The following ZDHHC11 variants were observed in gnomAD, a reference collection of about 807,000 sequenced individuals.
ZDHHC11 encodes zDHHC palmitoyltransferase 11.
In ZDHHC11, 44 loss-of-function variants were observed where a neutral mutation model predicts 51.3. The ratio of observed to expected loss-of-function variants is 0.86; its 90% confidence interval spans 0.67 to 1.10. The LOEUF is 1.10. ZDHHC11 is among the 50% of genes least tolerant of loss of function. The pLI is 0.00. For synonymous variants in ZDHHC11, 163 were observed against 222.0 expected, an observed-to-expected ratio of 0.73 and a Z score of 2.36; for missense variants, 400 against 537.7, an observed-to-expected ratio of 0.74 and a Z score of 2.53.
intron 3 of ZDHHC11, among the ~76,000 whole-genome samples, chr5:846,510 T>A (rs1360090458): frequency 7.0e-6 from 1 of 143,036 alleles, no homozygotes; most frequent in African/African-American, 2.7e-5. Context: ...CAACCTCTCG[T>A]TCTTGAGCCT....
chr5:848,939 C>G (rs1746703673), intron 1 of ZDHHC11, among the ~76,000 whole-genome samples: 1 of 151,948 alleles, frequency 6.6e-6, no homozygotes, highest in Non-Finnish European at 1.5e-5. Context: ...ACAGCCAGCC[C>G]TGCACACCCA....
chr5:851,865 G>A (rs2150481193), upstream of ZDHHC11, among the ~76,000 whole-genome samples: 1 of 152,304 alleles, frequency 6.6e-6, no homozygotes, highest in Middle Eastern at 3.4e-3. Flanking sequence ...AGACCAGCCT[G>A]GGCAACACGG....
Position 801,218 on chromosome 5 carries a change from G to A in ZDHHC11, c.1182-54C>T. 3.8e-6 allele frequency: 6 copies of A among 1,599,996 alleles called. 1 individual carries two copies. The highest frequency in any genetic ancestry group is 5.1e-6 in the Non-Finnish European group (6 of 1,171,348). ...ACAGAGAACGTATGATGTAATACTTGTTATAATGCCAAAGTGCACAAAATG... is the reference window on the plus strand; with the variant it reads ...ACAGAGAACGTATGATGTAATACTTATTATAATGCCAAAGTGCACAAAATG... On this transcript the variant is annotated intron_variant, in intron 11 of 12. Coordinates refer to ENST00000283441, the MANE Select transcript of ZDHHC11 (RefSeq NM_024786.3).
chr5:805,018 A>T (rs1368456887), intron 11 of ZDHHC11, among the ~76,000 whole-genome samples: 4 of 150,942 alleles, frequency 2.7e-5, no homozygotes, highest in Admixed American at 1.3e-4. Flanking sequence ...TTTAAAAGTC[A>T]AATGCATATT....
At position 803,450 on chromosome 5, in the gene ZDHHC11, C is replaced by T. The variant is rs373928876; in HGVS notation, c.1182-2286G>A. ...GACAAGAAATACACATTTTGCAAAA[C>T]TACTTTGGAAAGGGCACAAACTGAT... On this transcript the variant is annotated intron_variant, in intron 11 of 12. Transcript: ENST00000283441. 5.5e-4 allele frequency among the ~76,000 whole-genome samples: 83 copies of T among 151,412 alleles called. 2 individuals carry two copies. Among genetic ancestry groups the T allele is most frequent in the African/African-American group, 1.9e-3 (80 of 41,294 alleles).
At position 799,587 on chromosome 5, in the gene ZDHHC11, C is replaced by A. The variant is rs1423499201; in HGVS notation, c.*7+1513G>T. ...GCTGTCAGTTTTTGCAGATTATTTG[C>A]AAGTTGATGCTTCGGCCAAGCGTCC... On this transcript the variant is annotated intron_variant, in intron 12 of 12. Coordinates refer to ENST00000283441, the MANE Select transcript of ZDHHC11 (RefSeq NM_024786.3). 1.5e-4 allele frequency among the ~76,000 whole-genome samples: 23 copies of A among 151,404 alleles called. 1 individual carries two copies. The highest frequency in any genetic ancestry group is 3.4e-3 in the Middle Eastern group (1 of 294).
At chr5:851,949 G>A (rs1215098157), upstream of ZDHHC11, among the ~76,000 whole-genome samples, 3 of 152,122 alleles carry the variant, frequency 2.0e-5, no homozygotes, top group Non-Finnish European at 2.9e-5. Flanking sequence ...CCAGCTACTC[G>A]GGAGGCTGAG....
At chr5:815,135 A>C (rs1289039902) in intron 10 of ZDHHC11, among the ~76,000 whole-genome samples, 1 of 151,434 alleles carries the variant, frequency 6.6e-6, no homozygotes, top group Admixed American at 6.6e-5. Context: ...GTGTCCTTTT[A>C]TGAAGGGGAG....
In ZDHHC11 at chr5:795,640, G is replaced by A. The variant is rs1341501951; in HGVS notation, c.*948C>T. The A allele has an allele frequency of 1.3e-5, 2 of 153,196 alleles. No individual in the cohort carries two copies. The highest frequency in any genetic ancestry group is 3.7e-4 in the East Asian group (2 of 5,334). The allele number at this position is 153,196 out of a possible 1,614,324, so 9.5% of individuals were successfully genotyped here. ...AACTTATAGATATATTTGGAAAACT[G>A]ATTATCTTTTAAAAAATGACTACTA... is the stretch of plus-strand genomic sequence containing the variant. On this transcript the variant is annotated 3_prime_UTR_variant, in exon 13 of 13. Coordinates refer to ENST00000283441, the MANE Select transcript of ZDHHC11 (RefSeq NM_024786.3).
intron 12 of ZDHHC11, among the ~76,000 whole-genome samples, chr5:800,005 G>C (rs1265590703): frequency 4.0e-5 from 6 of 151,256 alleles, no homozygotes; most frequent in East Asian, 1.9e-4. Flanking sequence ...CAGGTTTGCT[G>C]TCTCTCTGGG....
At chr5:847,104 C>G in intron 3 of ZDHHC11, among the ~76,000 whole-genome samples, 1 of 142,838 alleles carries the variant, frequency 7.0e-6, no homozygotes, top group East Asian at 2.3e-4. Flanking sequence ...CTGTGAGCCT[C>G]GACCATGCTC....
At chr5:831,154 C>T (rs1349542019) in intron 7 of ZDHHC11, among the ~76,000 whole-genome samples, 1 of 149,098 alleles carries the variant, frequency 6.7e-6, no homozygotes, top group African/African-American at 2.5e-5. Context: ...TAAATAAGTA[C>T]CTTCTGCACA....
intron 11 of ZDHHC11, among the ~76,000 whole-genome samples, chr5:801,988 A>G (rs1353360117): frequency 6.6e-6 from 1 of 151,466 alleles, no homozygotes; most frequent in African/African-American, 2.4e-5. Context: ...CCTTTCTTGG[A>G]TCAGAAATGA....
chr5:822,904 T>C (rs1176864918), intron 8 of ZDHHC11, among the ~76,000 whole-genome samples: 1 of 151,360 alleles, frequency 6.6e-6, no homozygotes, highest in Non-Finnish European at 1.5e-5. Context: ...GCAAATGATG[T>C]TGAGCACCAT....
At chr5:844,577 A>AT (rs1214903891) in intron 3 of ZDHHC11, among the ~76,000 whole-genome samples, 1 of 152,306 alleles carries the variant, frequency 6.6e-6, no homozygotes, top group Non-Finnish European at 1.5e-5. Context: ...TGGGGTCTCC[A>AT]TGGCACCATG....
intron 5 of ZDHHC11, chr5:840,226 C>A (rs767793662): frequency 2.8e-6 from 2 of 707,946 alleles, no homozygotes; most frequent in Non-Finnish European, 5.1e-6. Context: ...CACCTGGCAC[C>A]ACTCCTGCAG....
In ZDHHC11 at chr5:804,003, T is replaced by TA. The variant is rs1349737759; in HGVS notation, c.1182-2840dup. On this transcript the variant is annotated intron_variant, in intron 11 of 12. Coordinates refer to ENST00000283441, the MANE Select transcript of ZDHHC11 (RefSeq NM_024786.3). ...GATGAACAGAGCTTGAAAGGTTTGTTAGACACCATCAAGGGTACCAACATA... is the reference window on the plus strand; with the variant it reads ...GATGAACAGAGCTTGAAAGGTTTGTTAAGACACCATCAAGGGTACCAACATA... Among the ~76,000 whole-genome samples, 50 of 149,400 alleles carry TA rather than the reference T, an allele frequency of 3.3e-4. 1 individual carries two copies. The highest frequency in any genetic ancestry group is 1.1e-3 in the African/African-American group (46 of 40,842).
intron 8 of ZDHHC11, chr5:823,285 G>C (rs1741801050): frequency 1.3e-5 from 2 of 150,932 alleles, no homozygotes; most frequent in Non-Finnish European, 1.5e-5. Flanking sequence ...ATTGTGCACT[G>C]CTTTCTAGGT....
rs1744902245 is a variant in ZDHHC11, at chr5:841,338, CGGG to C, written c.629-691_629-689del. ...TGCCCACCCCTTCCTTACTAAGTGC[CGGG>C]GTCACAGTGCCCACCCCTTCCTCAC... On this transcript the variant is annotated intron_variant, in intron 4 of 12. Transcript: ENST00000283441. 1.4e-5 allele frequency: 13 copies of C among 922,792 alleles called. No individual in the cohort carries two copies. In the African/African-American group the frequency reaches 3.0e-4, roughly 21 times the overall value. The allele number at this position is 922,792 out of a possible 1,614,324, so 57.2% of individuals were successfully genotyped here. A position where few individuals can be genotyped will look rare whatever the true frequency, so the allele number is the denominator to read the frequency against.
Sources: gnomAD v4.1 joint callset for allele counts (sites outside exome capture counted in the v4.1 genomes callset) on GRCh38, gnomAD v4.1.1 for gene constraint, MANE v1.5 for transcripts, NCBI Gene and HGNC (gene_info 2026-07-23, HGNC 2026-07-21) for gene names.